TENM2: variants seen among roughly 807,000 people sequenced by gnomAD.
TENM2 encodes teneurin-2.
Under a neutral mutation model 245.2 loss-of-function variants are expected in TENM2, and 52 were observed. The observed-to-expected ratio is 0.21, with a 90% confidence interval of 0.17 to 0.27. The LOEUF is 0.27. Among genes scored for constraint, TENM2 ranks in the 10% least tolerant of loss-of-function variants. TENM2 has a pLI of 1.00. For missense variants in TENM2, 3,046 were observed against 3,666.8 expected (o/e 0.83, Z 4.37); for synonymous variants, 1,363 against 1,438.9 (o/e 0.95, Z 1.19).
intron 4 of TENM2, among the ~76,000 whole-genome samples, chr5:167,990,012 A>C (rs1457564278): frequency 6.6e-6 from 1 of 152,224 alleles, no homozygotes; most frequent in Non-Finnish European, 1.5e-5. Context: ...TGGCAAGATC[A>C]CTGAGGATGC....
intron 2 of TENM2, among the ~76,000 whole-genome samples, chr5:167,791,906 C>A (rs1765003062): frequency 6.6e-6 from 1 of 152,124 alleles, no homozygotes; most frequent in Non-Finnish European, 1.5e-5. Context: ...ATACATTTTC[C>A]AGGGAGCCAT....
At chr5:167,637,242 A>G (rs279389) in intron 2 of TENM2, among the ~76,000 whole-genome samples, 4 of 152,056 alleles carry the variant, frequency 2.6e-5, no homozygotes, top group Non-Finnish European at 5.9e-5. Flanking sequence ...CTAGTATTAA[A>G]AAGAGAATTA....
Position 168,153,500 on chromosome 5 carries a change from C to A in TENM2, c.2423-9111C>A, listed in dbSNP as rs530323214. Among the ~76,000 whole-genome samples the A allele has an allele frequency of 7.2e-5, 11 of 152,294 alleles. No homozygotes were observed. In the South Asian group the frequency reaches 2.3e-3, roughly 32 times the overall value. On this transcript the variant is annotated intron_variant, in intron 12 of 28. Transcript: ENST00000518659. ...GGCCAGCTGAGCACAAGGTGAATGG[C>A]TTTAGCCAAAGTGGGTGCAGGGAGC... is the stretch of plus-strand genomic sequence containing the variant.
chr5:167,672,525 CA>C (rs1367101942), intron 2 of TENM2, among the ~76,000 whole-genome samples: 1 of 152,028 alleles, frequency 6.6e-6, no homozygotes, highest in Non-Finnish European at 1.5e-5. Flanking sequence ...ACATACCCCA[CA>C]GGCAAGTTTC....
At chr5:167,013,330 C>T in the TENM2 span, among the ~76,000 whole-genome samples, 6 of 152,132 alleles carry the variant, frequency 3.9e-5, no homozygotes, top group Admixed American at 1.3e-4. Context: ...TCCTGTAGCA[C>T]CCCATGTCAA....
chr5:167,863,101 G>A (rs756934399), intron 2 of TENM2, among the ~76,000 whole-genome samples: 4 of 152,152 alleles, frequency 2.6e-5, no homozygotes, highest in Non-Finnish European at 4.4e-5. Flanking sequence ...GTCAAGTCCC[G>A]TGATCTCTTC....
intron 1 of TENM2, among the ~76,000 whole-genome samples, chr5:167,363,428 TTAAATATAATTAAGTATG>T (rs1258939830): frequency 6.6e-6 from 1 of 152,060 alleles, no homozygotes; most frequent in Non-Finnish European, 1.5e-5. Flanking sequence ...ATATCTAAAA[TTAAATATAATTAAGTATG>T]TAAGGATGGG....
intron 2 of TENM2, among the ~76,000 whole-genome samples, chr5:167,696,719 C>T (rs899137853): frequency 2.6e-5 from 4 of 152,152 alleles, no homozygotes; most frequent in Non-Finnish European, 4.4e-5. Context: ...TCTCCGTTAG[C>T]GCGAAGGCCC....
upstream of TENM2, among the ~76,000 whole-genome samples, chr5:167,280,079 C>T (rs1294821065): frequency 6.6e-6 from 1 of 152,136 alleles, no homozygotes; most frequent in Admixed American, 6.5e-5. Flanking sequence ...AGGAACCTAC[C>T]TCATTACTGC....
At chr5:167,898,484 G>A (rs902096327) in intron 3 of TENM2, among the ~76,000 whole-genome samples, 2 of 152,134 alleles carry the variant, frequency 1.3e-5, no homozygotes, top group African/African-American at 2.4e-5. Flanking sequence ...TGTAAATGCC[G>A]GGATGCCAAC....
intron 2 of TENM2, among the ~76,000 whole-genome samples, chr5:167,801,852 C>T (rs577833812): frequency 6.6e-6 from 1 of 152,078 alleles, no homozygotes; most frequent in South Asian, 2.1e-4. Context: ...AGAGAGATCA[C>T]AGGAAGCGTC....
At chr5:167,748,530 A>G (rs1451840259) in intron 2 of TENM2, among the ~76,000 whole-genome samples, 1 of 152,082 alleles carries the variant, frequency 6.6e-6, no homozygotes, top group Non-Finnish European at 1.5e-5. Flanking sequence ...ATGGGACTAC[A>G]GGCACATGCC....
At chr5:167,770,419 A>T (rs2150762043) in intron 2 of TENM2, among the ~76,000 whole-genome samples, 1 of 152,284 alleles carries the variant, frequency 6.6e-6, no homozygotes, top group Non-Finnish European at 1.5e-5. Context: ...GAGAAGCGAT[A>T]AGAACCAGTC....
intron 2 of TENM2, among the ~76,000 whole-genome samples, chr5:167,650,545 T>C (rs1013594145): frequency 3.9e-5 from 6 of 152,162 alleles, no homozygotes; most frequent in Non-Finnish European, 8.8e-5. Flanking sequence ...TTATTTGTAA[T>C]AGTTGCTGAA....
intron 2 of TENM2, among the ~76,000 whole-genome samples, chr5:167,522,713 G>T (rs1055742723): frequency 9.9e-5 from 15 of 151,950 alleles, no homozygotes; most frequent in African/African-American, 3.4e-4. Flanking sequence ...TCATCTAAGG[G>T]ATAATGCCTG....
rs757325515 is a variant in TENM2 at position 168,262,145 on chromosome 5, C to T, written c.7660C>T (p.Arg2554Ter). The T allele has an allele frequency of 6.2e-7, 1 of 1,613,736 alleles. No homozygotes were observed. The highest frequency in any genetic ancestry group is 8.5e-7 in the Non-Finnish European group (1 of 1,179,786). Residue 2554 changes from arginine (R) to a stop codon, truncating the protein, a stop_gained, in exon 29 of 29, where the codon CGA becomes TGA. Transcript: ENST00000518659. LOFTEE classifies it high-confidence loss of function. ...TACTAAAAAGCTCCACGCCAGCATC[C>T]GAGAGAAAGCAGGTCACTGGTTTGC...
intron 1 of TENM2, among the ~76,000 whole-genome samples, chr5:167,366,798 T>A (rs1760081955): frequency 6.6e-6 from 1 of 152,150 alleles, no homozygotes; most frequent in Admixed American, 6.5e-5. Flanking sequence ...CTTTCTCTGA[T>A]GAAAAAAATT....
At chr5:167,466,159 C>T (rs1766638404) in intron 2 of TENM2, among the ~76,000 whole-genome samples, 1 of 152,138 alleles carries the variant, frequency 6.6e-6, no homozygotes, top group Non-Finnish European at 1.5e-5. Flanking sequence ...ATATGGTTTC[C>T]CTTATGTGGC....
intron 3 of TENM2, among the ~76,000 whole-genome samples, chr5:167,947,566 T>C (rs1779732813): frequency 6.6e-6 from 1 of 152,140 alleles, no homozygotes; most frequent in Non-Finnish European, 1.5e-5. Context: ...TTCTTGAAAA[T>C]CCTCACCCCC....
Sources: gnomAD v4.1 joint callset for allele counts (sites outside exome capture counted in the v4.1 genomes callset) on GRCh38, gnomAD v4.1.1 for gene constraint, MANE v1.5 for transcripts, NCBI Gene and HGNC (gene_info 2026-07-23, HGNC 2026-07-21) for gene names.